Variants in CSF2RA observed in about 807,000 individuals in gnomAD.
CSF2RA encodes colony stimulating factor 2 receptor subunit alpha.
Under a neutral mutation model 51.6 loss-of-function variants are expected in CSF2RA, and 42 were observed. The observed-to-expected ratio is 0.81, with a 90% CI of 0.64 to 1.05. CSF2RA has a LOEUF of 1.05. Among genes scored for constraint, CSF2RA ranks in the 50% least tolerant of loss-of-function variants. The probability of loss-of-function intolerance (pLI) is 0.00; values close to 1 mark genes in which losing one functional copy is unlikely to be tolerated. For missense variants in CSF2RA, 530 were observed against 501.1 expected, an observed-to-expected ratio of 1.06 and a Z score of -0.55; for synonymous variants, 222 against 193.0, an observed-to-expected ratio of 1.15 and a Z score of -1.24.
intron 7 of CSF2RA, among the ~76,000 whole-genome samples, chrX:1,291,472 C>T (rs1165480222): frequency 2.6e-5 from 4 of 151,610 alleles, no homozygotes; most frequent in African/African-American, 7.3e-5. Context: ...AGCACCTCTT[C>T]GTGTCCCAGT....
At chrX:1,288,966 C>A in intron 6 of CSF2RA, 78 bp downstream of exon 6, 3 of 1,590,690 alleles carry the variant, frequency 1.9e-6, no homozygotes, top group Non-Finnish European at 1.7e-6. Flanking sequence ...TCTTTTTTTC[C>A]TTTTTCTTTT....
chrX:1,290,103 T>G (rs2091249481), intron 6 of CSF2RA, among the ~76,000 whole-genome samples: 1 of 149,142 alleles, frequency 6.7e-6, no homozygotes, highest in Non-Finnish European at 1.5e-5. Context: ...TTGTGTTTGT[T>G]TTTGTTTTGT....
intron 3 of CSF2RA, among the ~76,000 whole-genome samples, chrX:1,284,624 G>C (rs1458411891): frequency 7.2e-6 from 1 of 139,236 alleles, no homozygotes; most frequent in African/African-American, 2.7e-5. Flanking sequence ...AAATTTTATA[G>C]ACGAGATCTT....
At chrX:1,273,767 ATTT>A (rs1443563028) in intron 1 of CSF2RA, among the ~76,000 whole-genome samples, 58 of 132,380 alleles carry the variant, frequency 4.4e-4, no homozygotes, top group African/African-American at 1.5e-3. Context: ...TTTTTTTTGT[ATTT>A]TTTTTTTTTA....
chrX:1,309,144 G>C (rs1458869358), intron 12 of CSF2RA, among the ~76,000 whole-genome samples: 3 of 150,346 alleles, frequency 2.0e-5, no homozygotes, highest in Admixed American at 2.0e-4. Flanking sequence ...TCTAAAGGGG[G>C]AAGAGTGGGC....
At chrX:1,288,335 AGCAG>A (rs1426875698) in intron 4 of CSF2RA, among the ~76,000 whole-genome samples, 180 bp from the exon 5 acceptor site, 5 of 107,208 alleles carry the variant, frequency 4.7e-5, no homozygotes, top group Admixed American at 1.1e-4. Context: ...TACACAAATT[AGCAG>A]GGTGTGGTGG....
At chrX:1,308,932 C>G (rs769680504) in intron 12 of CSF2RA, among the ~76,000 whole-genome samples, 1 of 152,162 alleles carries the variant, frequency 6.6e-6, no homozygotes, top group Non-Finnish European at 1.5e-5. Flanking sequence ...ATCTTTACCC[C>G]AGGAAAAACC....
downstream of CSF2RA, among the ~76,000 whole-genome samples, chrX:1,314,516 AC>A (rs2084402979): frequency 2.8e-5 from 3 of 106,940 alleles, no homozygotes; most frequent in Admixed American, 9.8e-5. Flanking sequence ...ACCGCACTGC[AC>A]CTGCCCAATC....
the CSF2RA span, among the ~76,000 whole-genome samples, chrX:1,320,737 C>T: frequency 1.6e-4 from 24 of 149,490 alleles, no homozygotes; most frequent in Admixed American, 2.7e-4. Flanking sequence ...GGTCTCGATC[C>T]CCTGACCTTG....
intron 10 of CSF2RA, among the ~76,000 whole-genome samples, chrX:1,302,485 G>A (rs1329818043): frequency 6.6e-6 from 1 of 151,942 alleles, no homozygotes; most frequent in South Asian, 2.1e-4. Context: ...GACTGCACCT[G>A]TAAGAAATTT....
chrX:1,288,593 G>C lies in CSF2RA; in HGVS notation c.294G>C (p.Val98=), dbSNP rs1450948201. ...LHEGVTFEVH[V]NTSQRGFQQK... is the part of the protein sequence containing the mutation. ...AAGGAGTCACATTTGAGGTTCACGTGAATACTAGTCAAAGAGGATTTCAAC... is the reference window on the plus strand; with the variant it reads ...AAGGAGTCACATTTGAGGTTCACGTCAATACTAGTCAAAGAGGATTTCAAC... The change falls in exon 5 of 13, where the codon GTG becomes GTC. Residue 98 remains valine (V), a synonymous_variant. Coordinates refer to ENST00000381529, the MANE Select transcript of CSF2RA (RefSeq NM_172245.4). 6.2e-7 allele frequency: 1 copy of C among 1,613,836 alleles called. No individual in the cohort carries two copies. The highest frequency in any genetic ancestry group is 1.3e-5 in the African/African-American group (1 of 74,918).
At chrX:1,302,311 G>C (rs1418635855) in intron 10 of CSF2RA, among the ~76,000 whole-genome samples, 4 of 152,000 alleles carry the variant, frequency 2.6e-5, no homozygotes, top group Admixed American at 2.0e-4. Flanking sequence ...TTGAAAAGGG[G>C]AAGGGGCAGG....
intron 7 of CSF2RA, among the ~76,000 whole-genome samples, chrX:1,292,388 A>T (rs1254296606): frequency 3.3e-5 from 5 of 152,162 alleles, no homozygotes; most frequent in African/African-American, 1.2e-4. Context: ...TAGAGAAAGA[A>T]CAGTGAGCCC....
intron 6 of CSF2RA, chrX:1,289,092 G>C: frequency 1.5e-6 from 1 of 649,398 alleles, no homozygotes; most frequent in Non-Finnish European, 2.6e-6. Flanking sequence ...TTCCCAGGTA[G>C]CTGGGATTAC....
intron 6 of CSF2RA, chrX:1,289,128 C>A: frequency 1.8e-6 from 1 of 564,546 alleles, no homozygotes; most frequent in Non-Finnish European, 3.1e-6. Flanking sequence ...CACCAGGCCA[C>A]ATCTATGTAT....
intron 12 of CSF2RA, among the ~76,000 whole-genome samples, chrX:1,308,975 C>G (rs2083952420): frequency 6.6e-6 from 1 of 152,168 alleles, no homozygotes; most frequent in African/African-American, 2.4e-5. Context: ...TGCCTGTCAT[C>G]CCAGCACTTT....
downstream of CSF2RA, among the ~76,000 whole-genome samples, chrX:1,314,583 C>CCGCACTGCACCTGCCCAAT (rs2084420081): frequency 1.4e-4 from 4 of 29,222 alleles, 1 homozygote; most frequent in Admixed American, 3.7e-4. Flanking sequence ...ACCTGCCCAA[C>CCGCACTGCACCTGCCCAAT]CCCACTGCAC....
chrX:1,283,035 C>T (rs1305121800), intron 3 of CSF2RA, among the ~76,000 whole-genome samples: 2 of 152,112 alleles, frequency 1.3e-5, no homozygotes, highest in African/African-American at 4.8e-5. Flanking sequence ...AACCCAACGA[C>T]CATCCAGGTA....
intron 7 of CSF2RA, among the ~76,000 whole-genome samples, 174 bp downstream of exon 7, chrX:1,290,683 G>A (rs1431886628): frequency 1.3e-5 from 2 of 152,012 alleles, no homozygotes; most frequent in African/African-American, 4.8e-5. Context: ...TGACCAACAT[G>A]GGGAAACCCC....
Sources: gnomAD v4.1 joint callset for allele counts (sites outside exome capture counted in the v4.1 genomes callset) on GRCh38, gnomAD v4.1.1 for gene constraint, MANE v1.5 for transcripts, NCBI Gene and HGNC (gene_info 2026-07-23, HGNC 2026-07-21) for gene names.